The following KIF6 variants were observed in gnomAD, a reference collection of about 807,000 sequenced individuals.
The protein encoded by KIF6 is kinesin family member 6, also known as kinesin-like protein KIF6.
In KIF6, 106 loss-of-function variants were observed where a neutral mutation model predicts 112.7. That is an observed-to-expected ratio of 0.94 (90% CI 0.80 to 1.11). KIF6 has a LOEUF of 1.11. Among genes scored for constraint, KIF6 ranks in the 50% least tolerant of loss-of-function variants. The pLI is 0.00. For missense variants in KIF6, 929 were observed against 964.0 expected, an observed-to-expected ratio of 0.96 and a Z score of 0.48; for synonymous variants, 339 against 339.9, an observed-to-expected ratio of 1.00 and a Z score of 0.03.
At chr6:39,538,778 T>C (rs1778599757) in intron 13 of KIF6, among the ~76,000 whole-genome samples, 1 of 147,660 alleles carries the variant, frequency 6.8e-6, no homozygotes, top group Non-Finnish European at 1.5e-5. Context: ...ATATGTTTAT[T>C]GTGGCACTAT....
At chr6:39,345,888 C>T in intron 20 of KIF6, 99 bp from the exon 21 acceptor site, 1 of 823,754 alleles carries the variant, frequency 1.2e-6, no homozygotes, top group Non-Finnish European at 2.0e-6. Context: ...CTGAATGTGT[C>T]CTCTCAAAAT....
intron 15 of KIF6, among the ~76,000 whole-genome samples, chr6:39,409,050 G>A (rs1224738767): frequency 6.6e-6 from 1 of 152,032 alleles, no homozygotes; most frequent in African/African-American, 2.4e-5. Context: ...ATGAATATGA[G>A]CAATATTCAT....
At position 39,478,700 on chromosome 6, in the gene KIF6, ATT is replaced by A. The variant is rs796482220; in HGVS notation, c.1646-47541_1646-47540del. Among the ~76,000 whole-genome samples the A allele has an allele frequency of 1.6e-3, 171 of 106,096 alleles. 2 individuals are homozygous for A. Among genetic ancestry groups the A allele is most frequent in the African/African-American group, 3.2e-3 (101 of 31,352 alleles). 69.6% of individuals were successfully genotyped at this position (106,096 alleles called of 152,430 possible). A position where few individuals can be genotyped will look rare whatever the true frequency, so the allele number is the denominator to read the frequency against. ...GTTCACTGCATCCATGACAACATCT[ATT>A]TTTTTTTTTTTTTTTTTGGTGGTAG... On this transcript the variant is annotated intron_variant, in intron 13 of 22. Coordinates refer to ENST00000287152, the MANE Select transcript of KIF6 (RefSeq NM_145027.6).
chr6:39,338,745 G>A (rs1763159541), intron 22 of KIF6, among the ~76,000 whole-genome samples: 1 of 152,200 alleles, frequency 6.6e-6, no homozygotes, highest in Admixed American at 6.5e-5. Context: ...TCTAGTACAA[G>A]GACTGGCAGG....
At chr6:39,590,446 TATA>T (rs1376031215) in intron 7 of KIF6, among the ~76,000 whole-genome samples, 100 of 121,394 alleles carry the variant, frequency 8.2e-4, no homozygotes, top group African/African-American at 3.1e-3. Flanking sequence ...TATATATATA[TATA>T]TATTTTTTTT....
At chr6:39,510,994 A>G (rs536939288) in intron 13 of KIF6, among the ~76,000 whole-genome samples, 20 of 152,100 alleles carry the variant, frequency 1.3e-4, no homozygotes, top group Non-Finnish European at 2.9e-4. Context: ...AAAGGGATCA[A>G]TTCAACAAGA....
intron 9 of KIF6, among the ~76,000 whole-genome samples, chr6:39,578,822 C>T (rs1301883103): frequency 6.6e-6 from 1 of 151,876 alleles, no homozygotes; most frequent in East Asian, 1.9e-4. Flanking sequence ...TTTTGCATGC[C>T]CTAAACTTTA....
chr6:39,712,309 C>G (rs1789601211), intron 3 of KIF6, among the ~76,000 whole-genome samples: 1 of 149,456 alleles, frequency 6.7e-6, no homozygotes. Flanking sequence ...AAAAAAATAG[C>G]AAAACTAATT....
At chr6:39,477,797 G>A (rs1774525449) in intron 13 of KIF6, among the ~76,000 whole-genome samples, 1 of 152,120 alleles carries the variant, frequency 6.6e-6, no homozygotes, top group African/African-American at 2.4e-5. Context: ...GGAGGCGGAG[G>A]TTGCAGTGAG....
intron 14 of KIF6, among the ~76,000 whole-genome samples, chr6:39,429,718 C>T (rs139574473): frequency 1.1e-4 from 17 of 152,252 alleles, no homozygotes; most frequent in South Asian, 2.1e-4. Flanking sequence ...ACCATCGTGG[C>T]TAACACAGTG....
chr6:39,577,387 A>T (rs1220996751), intron 10 of KIF6, among the ~76,000 whole-genome samples: 1 of 152,274 alleles, frequency 6.6e-6, no homozygotes, highest in African/African-American at 2.4e-5. Context: ...TTGGAAATAG[A>T]GAATGCCATG....
At chr6:39,337,207 C>CTT (rs1314757730) in intron 22 of KIF6, among the ~76,000 whole-genome samples, 2 of 92,644 alleles carry the variant, frequency 2.2e-5, no homozygotes, top group Non-Finnish European at 3.7e-5. Context: ...TTCTTTCTTT[C>CTT]TTTCTTTCTT....
At chr6:39,657,853 T>C (rs1785893440) in intron 3 of KIF6, among the ~76,000 whole-genome samples, 2 of 152,200 alleles carry the variant, frequency 1.3e-5, no homozygotes, top group African/African-American at 4.8e-5. Context: ...CATTCTTTCA[T>C]ATTGAAGACC....
chr6:39,489,643 C>A (rs191343878), intron 13 of KIF6, among the ~76,000 whole-genome samples: 231 of 152,144 alleles, frequency 1.5e-3, no homozygotes, highest in African/African-American at 5.2e-3. Context: ...GAGTGTGTTT[C>A]CCCCAGTGAC....
intron 3 of KIF6, among the ~76,000 whole-genome samples, chr6:39,684,940 G>T (rs1787767161): frequency 6.6e-6 from 1 of 152,138 alleles, no homozygotes; most frequent in African/African-American, 2.4e-5. Context: ...TATCACTAAT[G>T]ACTCTAACAA....
intron 3 of KIF6, among the ~76,000 whole-genome samples, chr6:39,643,130 A>C (rs1041220947): frequency 1.6e-4 from 25 of 152,150 alleles, no homozygotes; most frequent in Non-Finnish European, 4.4e-5. Flanking sequence ...TTTGCACATG[A>C]CATAATCTTG....
intron 15 of KIF6, among the ~76,000 whole-genome samples, chr6:39,403,816 A>AATTTAAATTGTTAAATTGTCAGTT (rs1768885467): frequency 6.6e-6 from 1 of 152,210 alleles, no homozygotes; most frequent in South Asian, 2.1e-4. Context: ...TTGTCAGTTA[A>AATTTAAATTGTTAAATTGTCAGTT]AAAATTAAAA....
rs1785341692 is a variant in KIF6, at chr6:39,649,381, AC to A, written c.252-9625del. Among the ~76,000 whole-genome samples, 2 of 152,156 alleles carry A rather than the reference AC, an allele frequency of 1.3e-5. 1 individual carries two copies. The highest frequency in any genetic ancestry group is 4.1e-4 in the South Asian group (2 of 4,828). On this transcript the variant is annotated intron_variant, in intron 3 of 22. Transcript: ENST00000287152. Reference sequence around the variant, plus strand: ...AAGAATATCTAGATTAGAAATAGTTACCCCACACAACCAAAATTGTTTTGTG... The same window carrying A: ...AAGAATATCTAGATTAGAAATAGTTACCCACACAACCAAAATTGTTTTGTG...
chr6:39,534,980 A>G (rs533145734), intron 13 of KIF6, among the ~76,000 whole-genome samples: 1 of 152,344 alleles, frequency 6.6e-6, no homozygotes, highest in East Asian at 1.9e-4. Context: ...TAAGTGAAGG[A>G]GAAATAAAAT....
Sources: gnomAD v4.1 joint callset for allele counts (sites outside exome capture counted in the v4.1 genomes callset) on GRCh38, gnomAD v4.1.1 for gene constraint, MANE v1.5 for transcripts, NCBI Gene and HGNC (gene_info 2026-07-23, HGNC 2026-07-21) for gene names.